Variants in LMO3 observed in about 807,000 individuals in gnomAD.
LMO3 encodes the protein LIM domain only 3.
A neutral mutation model predicts 15.8 loss-of-function variants in LMO3; 2 were observed. The ratio of observed to expected loss-of-function variants is 0.13; its 90% CI spans 0.05 to 0.40. LMO3 has a LOEUF of 0.40. Among genes scored for constraint, LMO3 ranks in the 10% least tolerant of loss-of-function variants. LMO3 has a pLI of 0.99. For missense variants in LMO3, 86 were observed against 182.2 expected (o/e 0.47, Z 3.04); for synonymous variants, 62 against 63.8 (o/e 0.97, Z 0.13).
chr12:16,570,525 TG>T (rs1942780044), intron 2 of LMO3, among the ~76,000 whole-genome samples: 1 of 152,142 alleles, frequency 6.6e-6, no homozygotes, highest in African/African-American at 2.4e-5. Flanking sequence ...TGTGAACAGT[TG>T]GGAAATAATC....
chr12:16,572,443 A>T (rs995831632), intron 2 of LMO3, among the ~76,000 whole-genome samples: 65 of 147,658 alleles, frequency 4.4e-4, no homozygotes, highest in African/African-American at 1.6e-3. Flanking sequence ...AAAAAAACAG[A>T]GCTACTAAGC....
In LMO3 at chr12:16,560,578, C is replaced by G. The variant is rs201967277; in HGVS notation, c.207-40G>C. On this transcript the variant is annotated intron_variant, in intron 2 of 3. Transcript: ENST00000537304. This position sits in a 1 kb window ranked among gnomAD's most constrained non-coding sequence, Gnocchi z 5.0. ...ATTTTTTTTTTTTTACAAACTCTTA[C>G]AGAGAAATCTGAGATCGTGAAGAGA... The G allele has an allele frequency of 2.5e-5, 40 of 1,577,012 alleles. No individual in the cohort carries two copies. The highest frequency in any genetic ancestry group is 3.2e-5 in the Non-Finnish European group (37 of 1,154,120).
At chr12:16,583,727 T>C in intron 2 of LMO3, among the ~76,000 whole-genome samples, 1 of 152,270 alleles carries the variant, frequency 6.6e-6, no homozygotes, top group African/African-American at 2.4e-5. Flanking sequence ...TGAAAAAGGG[T>C]AGCATACCCA....
intron 3 of LMO3, among the ~76,000 whole-genome samples, chr12:16,551,583 A>G (rs1486378350): frequency 6.6e-6 from 1 of 151,670 alleles, no homozygotes; most frequent in Admixed American, 6.6e-5. Context: ...TGGGCACCAA[A>G]GATGACTTGC....
chr12:16,554,634 CTTACT>C (rs764037295), intron 3 of LMO3, among the ~76,000 whole-genome samples: 12 of 152,130 alleles, frequency 7.9e-5, no homozygotes, highest in East Asian at 3.9e-4. Flanking sequence ...CAAAGTTTAC[CTTACT>C]TTAAGTCCAC....
At position 16,560,758 on chromosome 12, in the gene LMO3, G is replaced by A. The variant is rs760804328; in HGVS notation, c.207-220C>T. 3.5e-6 allele frequency: 2 copies of A among 575,038 alleles called. No individual in the cohort carries two copies. Among genetic ancestry groups the A allele is most frequent in the East Asian group, 3.6e-5 (1 of 27,568 alleles). The allele number at this position is 575,038 out of a possible 1,614,324, so 35.6% of individuals were successfully genotyped here. On this transcript the variant is annotated intron_variant, in intron 2 of 3. Coordinates refer to ENST00000537304, the MANE Select transcript of LMO3 (RefSeq NM_018640.5). This position sits in a 1 kb window ranked among gnomAD's most constrained non-coding sequence, Gnocchi z 5.0. ...ATCACATCTTGTTTGAGAAGAAAAG[G>A]AAAAGACAAATACATTAGGAAGCTT... is the stretch of plus-strand genomic sequence containing the variant.
chr12:16,598,281 C>T lies in LMO3; in HGVS notation c.206+2374G>A, dbSNP rs1943719196. Reference sequence around the variant, plus strand: ...GTGTTTTACACACACCAATTCTCCACTTCACTTCTGCAATTTTAAGTGTTG... The same window carrying T: ...GTGTTTTACACACACCAATTCTCCATTTCACTTCTGCAATTTTAAGTGTTG... On this transcript the variant is annotated intron_variant, in intron 2 of 3. Transcript: ENST00000537304. The surrounding 1 kb of genome is among the most constrained non-coding windows in gnomAD (Gnocchi z 4.3). 1 of 152,112 alleles carries T rather than the reference C, an allele frequency of 6.6e-6. No homozygotes were observed. The allele number at this position is 152,112 out of a possible 1,614,324, so 9.4% of individuals were successfully genotyped here.
intron 2 of LMO3, among the ~76,000 whole-genome samples, chr12:16,565,823 T>C (rs1400783717): frequency 6.6e-6 from 1 of 150,932 alleles, no homozygotes; most frequent in Non-Finnish European, 1.5e-5. Flanking sequence ...TACCATATGA[T>C]CCAGCAATCC....
intron 2 of LMO3, among the ~76,000 whole-genome samples, chr12:16,574,871 A>T (rs766382010): frequency 6.6e-6 from 1 of 152,176 alleles, no homozygotes; most frequent in African/African-American, 2.4e-5. Flanking sequence ...CTAAGATCTC[A>T]TAGTCATTAA....
Position 16,549,171 on chromosome 12 carries a change from T to G in LMO3, c.*2051A>C, listed in dbSNP as rs1312383625. 6.6e-6 allele frequency: 1 copy of G among 152,048 alleles called. No homozygotes were observed. The highest frequency in any genetic ancestry group is 1.5e-5 in the Non-Finnish European group (1 of 68,018). The allele number at this position is 152,048 out of a possible 1,614,324, so 9.4% of individuals were successfully genotyped here. On this transcript the variant is annotated 3_prime_UTR_variant, in exon 4 of 4. Transcript: ENST00000537304. ...TTAAGAAAACCACTTTTCACTGATC[T>G]CTCCCCCACATATTTTTAATTTGTC...
intron 2 of LMO3, among the ~76,000 whole-genome samples, chr12:16,565,150 A>G (rs939614527): frequency 1.3e-5 from 2 of 152,212 alleles, no homozygotes; most frequent in African/African-American, 4.8e-5. Context: ...TTTAAAAAAA[A>G]CTATAGAATA....
In LMO3 at chr12:16,550,215, A is replaced by G. The variant is rs1306507122; in HGVS notation, c.*1007T>C. 3 of 152,278 alleles carry G rather than the reference A, an allele frequency of 2.0e-5. No homozygotes were observed. Among genetic ancestry groups the G allele is most frequent in the African/African-American group, 7.2e-5 (3 of 41,438 alleles). 9.4% of individuals were successfully genotyped at this position (152,278 alleles called of 1,614,324 possible). A position where few individuals can be genotyped will look rare whatever the true frequency, so the allele number is the denominator to read the frequency against. The stretch of plus-strand genomic sequence containing the variant: ...TTCACACTCAAATCTTTTCAGTGTC[A>G]TACATTTATTAAGCCATAAAGTTAT... On this transcript the variant is annotated 3_prime_UTR_variant, in exon 4 of 4. Transcript: ENST00000537304.
chr12:16,564,453 C>T (rs766126097), intron 2 of LMO3, among the ~76,000 whole-genome samples: 28 of 152,180 alleles, frequency 1.8e-4, no homozygotes, highest in Non-Finnish European at 3.4e-4. Context: ...AACGTTCCTG[C>T]GGACTGGGGG....
chr12:16,587,216 A>G lies in LMO3; in HGVS notation c.206+13439T>C, dbSNP rs1469861879. On this transcript the variant is annotated intron_variant, in intron 2 of 3. Transcript: ENST00000537304. This position sits in a 1 kb window ranked among gnomAD's most constrained non-coding sequence, Gnocchi z 4.3. ...CTACACACACGAAAATGAAATGAAC[A>G]AAGTGATTCAGATTAAACAGCTCTG... 6.6e-6 allele frequency among the ~76,000 whole-genome samples: 1 copy of G among 152,192 alleles called. No homozygotes were observed. Among genetic ancestry groups the G allele is most frequent in the Non-Finnish European group, 1.5e-5 (1 of 68,028 alleles).
chr12:16,605,729 T>G (rs1465743800), intron 1 of LMO3: 40 of 1,527,656 alleles, frequency 2.6e-5, no homozygotes, highest in Non-Finnish European at 3.5e-5. Context: ...AATACTGCAG[T>G]TCATGGTGAA....
At position 16,553,638 on chromosome 12, in the gene LMO3, C is replaced by T. The variant is rs186390879; in HGVS notation, c.333-2311G>A. On this transcript the variant is annotated intron_variant, in intron 3 of 3. Transcript: ENST00000537304. ...AGGGATGTCACACTTGCACATATGA[C>T]TCAAACAAAACAGCCTTGAAAGCTG... Among the ~76,000 whole-genome samples, 764 of 152,190 alleles carry T rather than the reference C, an allele frequency of 5.0e-3. 1 individual carries two copies. Among genetic ancestry groups the T allele is most frequent in the Middle Eastern group, 0.014 (4 of 294 alleles).
intron 1 of LMO3, chr12:16,605,819 G>T: frequency 1.3e-6 from 2 of 1,535,290 alleles, no homozygotes; most frequent in African/African-American, 1.4e-5. Context: ...AACATCTTCC[G>T]CCTGCATCTA....
intron 2 of LMO3, among the ~76,000 whole-genome samples, chr12:16,569,985 G>A (rs185406818): frequency 8.2e-4 from 125 of 152,128 alleles, no homozygotes; most frequent in African/African-American, 2.8e-3. Context: ...ACAATTATAC[G>A]AGCATAAAAA....
rs1425039751 is a variant in LMO3 at position 16,604,016 on chromosome 12, C to T, written c.-9+2050G>A. Among the ~76,000 whole-genome samples the T allele has an allele frequency of 6.6e-6, 1 of 152,156 alleles. No homozygotes were observed. Among genetic ancestry groups the T allele is most frequent in the Non-Finnish European group, 1.5e-5 (1 of 68,020 alleles). Reference sequence around the variant, plus strand: ...GGGGGTTGGAAGAGATGAGGTGCTTCAGAAAGATGCTAAAATGGGAATGCA... The same window carrying T: ...GGGGGTTGGAAGAGATGAGGTGCTTTAGAAAGATGCTAAAATGGGAATGCA... On this transcript the variant is annotated intron_variant, in intron 1 of 3. Transcript: ENST00000537304. This position sits in a 1 kb window ranked among gnomAD's most constrained non-coding sequence, Gnocchi z 5.3.
Sources: allele counts gnomAD v4.1 joint callset (sites outside exome capture counted in the v4.1 genomes callset), GRCh38; gene constraint gnomAD v4.1.1; non-coding constraint Gnocchi (gnomAD v3.1); transcripts MANE v1.5; gene names NCBI Gene and HGNC (gene_info 2026-07-23, HGNC 2026-07-21).